The following SAXO1 variants were observed in gnomAD, a reference collection of about 807,000 sequenced individuals.
SAXO1 encodes the protein 4930500O09Rik.
In SAXO1, 21 loss-of-function variants were observed where a neutral mutation model predicts 17.5. That is an observed-to-expected ratio of 1.20 (90% CI 0.85 to 1.72). SAXO1 has a LOEUF of 1.72. SAXO1 is among the 40% of genes most tolerant of loss of function. The probability of loss-of-function intolerance (pLI) is 0.00; values close to 1 mark genes in which losing one functional copy is unlikely to be tolerated. For synonymous variants in SAXO1, 274 were observed against 216.5 expected (o/e 1.27, Z -2.33); for missense variants, 843 against 596.0 (o/e 1.41, Z -4.32).
chr9:19,032,514 T>G lies in SAXO1; in HGVS notation c.38+357A>C, dbSNP rs1176861234. 2.6e-5 allele frequency among the ~76,000 whole-genome samples: 4 copies of G among 152,250 alleles called. No homozygotes were observed. The East Asian group carries it at 7.7e-4, about 29-fold the overall frequency. On this transcript the variant is annotated intron_variant, in intron 1 of 3. Transcript: ENST00000380534. ...TACTACAGGAATTCTCCTCCCATCC[T>G]ATCACTTTCCCAAAAGGAGCAAGAC...
chr9:19,026,030 TAC>T (rs1282477836), intron 1 of SAXO1, among the ~76,000 whole-genome samples: 3 of 152,208 alleles, frequency 2.0e-5, no homozygotes, highest in Non-Finnish European at 4.4e-5. Context: ...AGAAATAAAT[TAC>T]AGTGTTTGAT....
chr9:19,027,947 C>G, intron 1 of SAXO1: 1 of 1,449,242 alleles, frequency 6.9e-7, no homozygotes, highest in Non-Finnish European at 9.6e-7. Context: ...TCAGTCCTGA[C>G]GTGAACTGCG....
intron 1 of SAXO1, among the ~76,000 whole-genome samples, chr9:19,028,459 CATT>C (rs1835610607): frequency 6.6e-6 from 1 of 152,184 alleles, no homozygotes; most frequent in Non-Finnish European, 1.5e-5. Context: ...CAATTGGAAA[CATT>C]ATACTCTCAT....
chr9:18,995,102 C>T (rs1833950498), intron 1 of SAXO1, among the ~76,000 whole-genome samples: 1 of 152,058 alleles, frequency 6.6e-6, no homozygotes, highest in South Asian at 2.1e-4. Context: ...TAAATAAGCA[C>T]CAAAAATAAA....
chr9:19,027,122 C>A, intron 1 of SAXO1: 1 of 1,013,234 alleles, frequency 9.9e-7, no homozygotes, highest in Non-Finnish European at 1.6e-6. Context: ...TCTCCAACAT[C>A]ATCGAGCTCC....
chr9:18,981,832 C>T (rs563518479), intron 1 of SAXO1, among the ~76,000 whole-genome samples: 1 of 152,170 alleles, frequency 6.6e-6, no homozygotes, highest in East Asian at 1.9e-4. Flanking sequence ...AAGGGCCCAC[C>T]GTAAGTGCCA....
At chr9:18,986,961 G>T (rs1227008878) in intron 1 of SAXO1, among the ~76,000 whole-genome samples, 1 of 152,162 alleles carries the variant, frequency 6.6e-6, no homozygotes, top group Non-Finnish European at 1.5e-5. Context: ...ACTTCATGTG[G>T]GCTAGCTGTG....
intron 1 of SAXO1, among the ~76,000 whole-genome samples, chr9:18,990,965 A>C (rs780754772): frequency 1.3e-5 from 2 of 152,224 alleles, no homozygotes; most frequent in South Asian, 4.1e-4. Context: ...TGATAGAACT[A>C]AAGTGCACAA....
intron 3 of SAXO1, among the ~76,000 whole-genome samples, chr9:18,930,224 G>GAACTTCAGAATGTTTGAAGAATGAA (rs1830983009): frequency 6.6e-6 from 1 of 152,118 alleles, no homozygotes; most frequent in Non-Finnish European, 1.5e-5. Flanking sequence ...TGAAGAATGA[G>GAACTTCAGAATGTTTGAAGAATGAA]AAGAACTGGC....
chr9:19,010,545 T>C (rs1563979551), intron 1 of SAXO1, among the ~76,000 whole-genome samples: 1 of 152,158 alleles, frequency 6.6e-6, no homozygotes, highest in Non-Finnish European at 1.5e-5. Flanking sequence ...AGAAAGATCC[T>C]GACCACCCGA....
At chr9:18,947,239 T>A (rs987281606) in intron 2 of SAXO1, among the ~76,000 whole-genome samples, 2 of 152,136 alleles carry the variant, frequency 1.3e-5, no homozygotes, top group East Asian at 3.8e-4. Flanking sequence ...AAAATATATA[T>A]ATAAAATTCA....
At chr9:19,024,461 G>T (rs1044467043) in intron 1 of SAXO1, among the ~76,000 whole-genome samples, 2 of 151,832 alleles carry the variant, frequency 1.3e-5, no homozygotes, top group African/African-American at 2.4e-5. Context: ...GCGAGGGGGG[G>T]AGGGATAGCA....
At position 18,994,531 on chromosome 9, in the gene SAXO1, A is replaced by T. The variant is rs144369841; in HGVS notation, c.38+38340T>A. Among the ~76,000 whole-genome samples the T allele has an allele frequency of 2.6e-3, 401 of 152,296 alleles. 2 individuals are homozygous for T. The highest frequency in any genetic ancestry group is 0.014 in the Middle Eastern group (4 of 294). On this transcript the variant is annotated intron_variant, in intron 1 of 3. Coordinates refer to ENST00000380534, the MANE Select transcript of SAXO1 (RefSeq NM_153707.4). ...TCTCTCCAAAACAAGCAAAAGACCA[A>T]GGGGGCTGTTTCTGGGTGTCACCAC...
chr9:18,940,958 C>T (rs966892817), intron 3 of SAXO1, among the ~76,000 whole-genome samples: 5 of 152,178 alleles, frequency 3.3e-5, no homozygotes, highest in African/African-American at 1.2e-4. Context: ...GTTATATTCT[C>T]ATTGGGGAGG....
intron 1 of SAXO1, among the ~76,000 whole-genome samples, chr9:18,955,679 A>G (rs1235551544): frequency 2.0e-5 from 3 of 152,134 alleles, no homozygotes; most frequent in African/African-American, 7.2e-5. Flanking sequence ...TCCATAATTC[A>G]TCTCAATCTA....
chr9:18,996,704 C>T (rs529114708), intron 1 of SAXO1, among the ~76,000 whole-genome samples: 2 of 152,162 alleles, frequency 1.3e-5, no homozygotes, highest in South Asian at 4.1e-4. Context: ...ATGATAAAGG[C>T]CACGGATGAA....
chr9:19,037,096 C>A (rs1835961818), upstream of SAXO1, among the ~76,000 whole-genome samples: 1 of 152,128 alleles, frequency 6.6e-6, no homozygotes, highest in South Asian at 2.1e-4. Flanking sequence ...GACTGTAACC[C>A]CTTTGTTTTG....
intron 1 of SAXO1, among the ~76,000 whole-genome samples, chr9:18,962,142 G>T (rs745569020): frequency 5.3e-5 from 8 of 151,972 alleles, no homozygotes; most frequent in African/African-American, 1.5e-4. Flanking sequence ...ATCACTGCTC[G>T]CCTCAACCTC....
At chr9:19,027,549 C>A (rs1588558323) in intron 1 of SAXO1, 1 of 1,163,274 alleles carries the variant, frequency 8.6e-7, no homozygotes, top group Non-Finnish European at 1.3e-6. Flanking sequence ...CTGGCCTGGG[C>A]CTGTAGGGCA....
Sources: gnomAD v4.1 joint callset for allele counts (sites outside exome capture counted in the v4.1 genomes callset) on GRCh38, gnomAD v4.1.1 for gene constraint, MANE v1.5 for transcripts, NCBI Gene and HGNC (gene_info 2026-07-23, HGNC 2026-07-21) for gene names.